FYN: variants seen among roughly 807,000 people sequenced by gnomAD.
The protein encoded by FYN is FYN proto-oncogene, Src family tyrosine kinase.
Under a neutral mutation model 70.2 loss-of-function variants are expected in FYN, and 10 were observed. The ratio of observed to expected loss-of-function variants is 0.14; its 90% CI spans 0.09 to 0.24. FYN has a LOEUF of 0.24. FYN is among the 10% of genes least tolerant of loss of function. The probability of loss-of-function intolerance (pLI) is 1.00; values close to 1 mark genes in which losing one functional copy is unlikely to be tolerated. For missense variants in FYN, 319 were observed against 673.1 expected, an observed-to-expected ratio of 0.47 and a Z score of 5.82; for synonymous variants, 236 against 248.6, an observed-to-expected ratio of 0.95 and a Z score of 0.48.
intron 1 of FYN, among the ~76,000 whole-genome samples, chr6:111,860,088 C>A (rs188473406): frequency 6.6e-6 from 1 of 152,156 alleles, no homozygotes; most frequent in East Asian, 1.9e-4. Flanking sequence ...TTCAGGGACT[C>A]CATAAGAAAT....
In FYN at chr6:111,796,631, T is replaced by C. The variant is rs76572719; in HGVS notation, c.-81-15996A>G. ...GAAAAAAAATGCATACTTTTTATCA[T>C]ACATCCAATAAACACTAACTGAGCA... On this transcript the variant is annotated intron_variant, in intron 2 of 13. Transcript: ENST00000354650. 7.9e-5 allele frequency among the ~76,000 whole-genome samples: 12 copies of C among 152,348 alleles called. No individual in the cohort carries two copies. The East Asian group carries it at 2.1e-3, about 27-fold the overall frequency.
chr6:111,698,765 G>A (rs1043806400), intron 9 of FYN, among the ~76,000 whole-genome samples: 1 of 152,156 alleles, frequency 6.6e-6, no homozygotes, highest in Non-Finnish European at 1.5e-5. Context: ...ATTAACCCAT[G>A]TAATCCTAAA....
intron 12 of FYN, among the ~76,000 whole-genome samples, chr6:111,682,113 A>G (rs1188969723): frequency 6.6e-6 from 1 of 152,230 alleles, no homozygotes; most frequent in African/African-American, 2.4e-5. Flanking sequence ...CTAACTAGCT[A>G]AAGGGTCCAG....
At position 111,736,852 on chromosome 6, in the gene FYN, T is replaced by C. The variant is rs1048216331; in HGVS notation, c.-11-16790A>G. ...TCTCTCTTAAGACTTGTATTTTCTA[T>C]ATAGGTTCACTGCTAAAATAAAAAT... On this transcript the variant is annotated intron_variant, in intron 3 of 13. Transcript: ENST00000354650. Among the ~76,000 whole-genome samples the C allele has an allele frequency of 3.9e-5, 6 of 152,226 alleles. No individual in the cohort carries two copies. In the East Asian group the frequency reaches 1.2e-3, roughly 29 times the overall value.
intron 2 of FYN, among the ~76,000 whole-genome samples, chr6:111,836,726 C>T (rs1190395806): frequency 6.6e-6 from 1 of 152,178 alleles, no homozygotes; most frequent in Non-Finnish European, 1.5e-5. Flanking sequence ...TGTGTCACTG[C>T]ACTCCAGCCT....
intron 3 of FYN, among the ~76,000 whole-genome samples, chr6:111,753,382 G>C (rs1802572028): frequency 6.6e-6 from 1 of 152,104 alleles, no homozygotes; most frequent in African/African-American, 2.4e-5. Context: ...TATTTAAGTG[G>C]GGCTGATTGG....
intron 1 of FYN, among the ~76,000 whole-genome samples, chr6:111,872,623 C>T (rs1022068668): frequency 7.2e-5 from 11 of 152,106 alleles, no homozygotes; most frequent in Non-Finnish European, 1.5e-4. Flanking sequence ...ACACACACAG[C>T]CCCAGTCCCC....
chr6:111,768,005 C>T (rs1449101637), intron 3 of FYN, among the ~76,000 whole-genome samples: 2 of 152,192 alleles, frequency 1.3e-5, no homozygotes, highest in African/African-American at 4.8e-5. Flanking sequence ...CCTACTCACA[C>T]CTCAGGAATC....
At chr6:111,717,245 CTGTTT>C (rs1800691474) in intron 4 of FYN, among the ~76,000 whole-genome samples, 1 of 151,748 alleles carries the variant, frequency 6.6e-6, no homozygotes, top group Non-Finnish European at 1.5e-5. Context: ...GTTAGCTTTT[CTGTTT>C]TATTTCTTTT....
chr6:111,729,220 T>C (rs1801333990), intron 3 of FYN, among the ~76,000 whole-genome samples: 1 of 152,178 alleles, frequency 6.6e-6, no homozygotes, highest in Admixed American at 6.5e-5. Flanking sequence ...ACACCTGTAA[T>C]TCCAGCACTT....
At chr6:111,732,795 T>G (rs1801527858) in intron 3 of FYN, among the ~76,000 whole-genome samples, 2 of 152,142 alleles carry the variant, frequency 1.3e-5, no homozygotes, top group South Asian at 4.1e-4. Flanking sequence ...TGAACTGGCT[T>G]CAACAGACAG....
intron 12 of FYN, among the ~76,000 whole-genome samples, chr6:111,688,654 T>A (rs376428421): frequency 2.0e-5 from 3 of 149,636 alleles, no homozygotes; most frequent in Non-Finnish European, 4.4e-5. Flanking sequence ...AGCGTGTGTG[T>A]GCTCATGTGT....
chr6:111,767,691 T>C, intron 3 of FYN, among the ~76,000 whole-genome samples: 1 of 152,232 alleles, frequency 6.6e-6, no homozygotes, highest in East Asian at 1.9e-4. Context: ...TGGGTCACCC[T>C]GCCTGGCCCT....
At chr6:111,728,167 C>T (rs1801276141) in intron 3 of FYN, among the ~76,000 whole-genome samples, 1 of 152,130 alleles carries the variant, frequency 6.6e-6, no homozygotes, top group Non-Finnish European at 1.5e-5. Context: ...AGGGTTAAGA[C>T]AAGAGTGAAA....
intron 3 of FYN, among the ~76,000 whole-genome samples, chr6:111,729,992 T>C (rs1164767278): frequency 6.6e-6 from 1 of 152,202 alleles, no homozygotes; most frequent in Non-Finnish European, 1.5e-5. Flanking sequence ...TGTATGTAAG[T>C]TGAAACAACT....
chr6:111,708,743 A>C (rs914399669), intron 5 of FYN, among the ~76,000 whole-genome samples: 3 of 152,210 alleles, frequency 2.0e-5, no homozygotes, highest in Non-Finnish European at 2.9e-5. Flanking sequence ...GCACAGGTGA[A>C]GCACAGAAAC....
chr6:111,758,242 C>T (rs573836000), intron 3 of FYN, among the ~76,000 whole-genome samples: 34 of 152,204 alleles, frequency 2.2e-4, no homozygotes, highest in African/African-American at 7.9e-4. Flanking sequence ...AAAATATTCA[C>T]GGTGCACTGC....
chr6:111,761,457 G>A (rs961245447), intron 3 of FYN, among the ~76,000 whole-genome samples: 19 of 152,190 alleles, frequency 1.2e-4, no homozygotes, highest in Non-Finnish European at 2.4e-4. Flanking sequence ...TCTAGTGAAA[G>A]GAGAACAGTT....
intron 3 of FYN, among the ~76,000 whole-genome samples, chr6:111,722,663 C>A (rs1178614731): frequency 6.6e-6 from 1 of 152,104 alleles, no homozygotes. Flanking sequence ...CTGCAAGAGA[C>A]ATATTGGGCA....
Sources: gnomAD v4.1 joint callset for allele counts (sites outside exome capture counted in the v4.1 genomes callset) on GRCh38, gnomAD v4.1.1 for gene constraint, MANE v1.5 for transcripts, NCBI Gene and HGNC (gene_info 2026-07-23, HGNC 2026-07-21) for gene names.